Variants in RALGPS1 observed in about 807,000 individuals in gnomAD.
RALGPS1 encodes ras-specific guanine nucleotide-releasing factor RalGPS1.
Under a neutral mutation model 78.8 loss-of-function variants are expected in RALGPS1, and 19 were observed. That is an observed-to-expected ratio of 0.24 (90% confidence interval 0.17 to 0.35). The LOEUF (loss-of-function observed/expected upper bound fraction) is 0.35, where lower values mean the gene tolerates loss of function less well. RALGPS1 is among the 10% of genes least tolerant of loss of function. The pLI is 1.00. For synonymous variants in RALGPS1, 228 were observed against 256.3 expected (o/e 0.89, Z 1.06); for missense variants, 454 against 688.3 (o/e 0.66, Z 3.81).
At chr9:127,121,269 A>G (rs1326469939) in intron 8 of RALGPS1, among the ~76,000 whole-genome samples, 1 of 152,248 alleles carries the variant, frequency 6.6e-6, no homozygotes, top group African/African-American at 2.4e-5. Flanking sequence ...AGATAAGAAA[A>G]CTGAGGTTTA....
chr9:127,159,928 G>A (rs1417195385), intron 8 of RALGPS1, among the ~76,000 whole-genome samples: 2 of 152,208 alleles, frequency 1.3e-5, no homozygotes, highest in Non-Finnish European at 2.9e-5. Context: ...TTGAAAAAGG[G>A]AGAGAGAGAA....
intron 1 of RALGPS1, among the ~76,000 whole-genome samples, chr9:126,958,156 T>C (rs1415101750): frequency 9.1e-6 from 1 of 110,144 alleles, no homozygotes; most frequent in African/African-American, 2.7e-5. Flanking sequence ...TATATATATA[T>C]ATACACACAC....
At chr9:127,072,244 G>A (rs1333254654) in intron 8 of RALGPS1, among the ~76,000 whole-genome samples, 1 of 152,080 alleles carries the variant, frequency 6.6e-6, no homozygotes, top group African/African-American at 2.4e-5. Context: ...ACAGGGTCTG[G>A]CTCTTTTGCC....
intron 8 of RALGPS1, among the ~76,000 whole-genome samples, chr9:127,097,373 A>G (rs1490687980): frequency 6.6e-6 from 1 of 152,376 alleles, no homozygotes; most frequent in East Asian, 1.9e-4. Flanking sequence ...TGTTACAAAA[A>G]ATGTGCATAT....
intron 1 of RALGPS1, among the ~76,000 whole-genome samples, chr9:126,957,242 G>A (rs558609459): frequency 7.2e-5 from 11 of 152,356 alleles, no homozygotes; most frequent in Admixed American, 2.0e-4. Context: ...GAGGGTGTGC[G>A]CCGATGGCCA....
At chr9:126,990,214 T>G (rs996304421) in intron 4 of RALGPS1, 2 of 573,906 alleles carry the variant, frequency 3.5e-6, no homozygotes, top group Non-Finnish European at 6.0e-6. Context: ...AAAACCCCTC[T>G]CTCAGGTCAC....
At chr9:127,182,332 GCCTT>G (rs1403027794) in intron 11 of RALGPS1, among the ~76,000 whole-genome samples, 3 of 133,504 alleles carry the variant, frequency 2.2e-5, no homozygotes, top group African/African-American at 6.2e-5. Context: ...CTTCCTTCCT[GCCTT>G]CCTTCCTTCC....
chr9:127,175,647 T>C (rs1245685718), intron 11 of RALGPS1, among the ~76,000 whole-genome samples: 3 of 150,070 alleles, frequency 2.0e-5, no homozygotes, highest in South Asian at 4.2e-4. Context: ...ACTGCAGTCT[T>C]GGACAAGTGA....
chr9:126,993,278 G>A (rs929883302), intron 4 of RALGPS1, among the ~76,000 whole-genome samples: 1 of 152,114 alleles, frequency 6.6e-6, no homozygotes, highest in Admixed American at 6.5e-5. Flanking sequence ...GATTTGATTT[G>A]TTAAAATTGT....
At chr9:127,196,263 A>G (rs2061343107) in intron 12 of RALGPS1, among the ~76,000 whole-genome samples, 1 of 152,108 alleles carries the variant, frequency 6.6e-6, no homozygotes, top group African/African-American at 2.4e-5. Context: ...CGTTATCCCC[A>G]TTGGATGGAT....
chr9:127,038,523 A>G (rs2047041527), intron 5 of RALGPS1, among the ~76,000 whole-genome samples: 1 of 151,976 alleles, frequency 6.6e-6, no homozygotes, highest in Non-Finnish European at 1.5e-5. Context: ...CTAAACAGTT[A>G]CTCTTTCCTC....
chr9:126,939,054 G>T (rs2036522277), intron 1 of RALGPS1, among the ~76,000 whole-genome samples: 1 of 152,202 alleles, frequency 6.6e-6, no homozygotes, highest in Non-Finnish European at 1.5e-5. Flanking sequence ...ACCTACAGCG[G>T]AGCCACTTCT....
At chr9:127,075,498 C>A (rs1472736215) in intron 8 of RALGPS1, among the ~76,000 whole-genome samples, 1 of 152,222 alleles carries the variant, frequency 6.6e-6, no homozygotes, top group East Asian at 1.9e-4. Flanking sequence ...GTTGTGTATT[C>A]TTCTCAAAAA....
At chr9:127,115,299 C>T (rs866308917) in intron 8 of RALGPS1, among the ~76,000 whole-genome samples, 6 of 152,154 alleles carry the variant, frequency 3.9e-5, no homozygotes, top group Non-Finnish European at 7.4e-5. Flanking sequence ...AAGCAGTTCT[C>T]CTGCCTCAAC....
At chr9:126,970,123 A>G (rs1379702462) in intron 3 of RALGPS1, among the ~76,000 whole-genome samples, 1 of 152,076 alleles carries the variant, frequency 6.6e-6, no homozygotes, top group Non-Finnish European at 1.5e-5. Context: ...ATTCTCTCTT[A>G]ATCCGTATTC....
At chr9:126,971,265 G>A (rs980815848) in intron 3 of RALGPS1, among the ~76,000 whole-genome samples, 1 of 150,526 alleles carries the variant, frequency 6.6e-6, no homozygotes, top group Non-Finnish European at 1.5e-5. Flanking sequence ...TTAGGAAAAT[G>A]TTCATGATAT....
intron 8 of RALGPS1, among the ~76,000 whole-genome samples, chr9:127,120,323 A>G (rs1226771802): frequency 1.3e-5 from 2 of 152,176 alleles, no homozygotes; most frequent in Non-Finnish European, 2.9e-5. Context: ...CCTTTTGTTA[A>G]TATGTCTGCA....
intron 1 of RALGPS1, among the ~76,000 whole-genome samples, chr9:126,922,075 T>A (rs1289260569): frequency 1.3e-5 from 2 of 152,192 alleles, no homozygotes; most frequent in Admixed American, 6.5e-5. Flanking sequence ...CACAAAGACA[T>A]AGGGTACTGG....
intron 8 of RALGPS1, among the ~76,000 whole-genome samples, chr9:127,164,586 C>T (rs1353491631): frequency 8.2e-6 from 1 of 121,754 alleles, no homozygotes; most frequent in Non-Finnish European, 1.6e-5. Flanking sequence ...GTCACCCAGG[C>T]TGGAGTGCAA....
Sources: gnomAD v4.1 joint callset for allele counts (sites outside exome capture counted in the v4.1 genomes callset) on GRCh38, gnomAD v4.1.1 for gene constraint, MANE v1.5 for transcripts, NCBI Gene and HGNC (gene_info 2026-07-23, HGNC 2026-07-21) for gene names.